IGF1R: variants seen among roughly 807,000 people sequenced by gnomAD.
IGF1R encodes insulin like growth factor 1 receptor, also known as insulin-like growth factor 1 receptor.
IGF1R carries 44 observed loss-of-function variants against 144.6 expected under a neutral mutation model. The observed-to-expected ratio is 0.30, with a 90% CI of 0.24 to 0.39. IGF1R has a LOEUF of 0.39. Among genes scored for constraint, IGF1R ranks in the 10% least tolerant of loss-of-function variants. IGF1R has a pLI of 1.00. For synonymous variants in IGF1R, 795 were observed against 722.8 expected (o/e 1.10, Z -1.60); for missense variants, 1,355 against 1,833.7 (o/e 0.74, Z 4.77).
intron 6 of IGF1R, 29 bp from the exon 7 acceptor site, chr15:98,911,286 G>A: frequency 6.2e-7 from 1 of 1,613,854 alleles, no homozygotes; most frequent in South Asian, 1.1e-5. Context: ...ATGAATCTCT[G>A]TCACTCACGG....
intron 2 of IGF1R, among the ~76,000 whole-genome samples, chr15:98,778,984 G>T (rs2055787827): frequency 6.6e-6 from 1 of 152,226 alleles, no homozygotes; most frequent in Non-Finnish European, 1.5e-5. Flanking sequence ...GTAGTTTCTT[G>T]TAAGTACTCT....
chr15:98,669,080 T>A (rs1183866607), intron 1 of IGF1R, among the ~76,000 whole-genome samples: 1 of 152,238 alleles, frequency 6.6e-6, no homozygotes, highest in African/African-American at 2.4e-5. Context: ...GATGAGTCAC[T>A]CCTATGACTG....
At chr15:98,852,025 ATTAATC>A (rs1385082742) in intron 2 of IGF1R, among the ~76,000 whole-genome samples, 1 of 152,260 alleles carries the variant, frequency 6.6e-6, no homozygotes, top group Non-Finnish European at 1.5e-5. Context: ...AGAACTAAAA[ATTAATC>A]TTAAAAGGTG....
chr15:98,873,325 C>T (rs555782252), intron 2 of IGF1R, among the ~76,000 whole-genome samples: 1 of 152,200 alleles, frequency 6.6e-6, no homozygotes, highest in African/African-American at 2.4e-5. Flanking sequence ...TTCAAGATTT[C>T]TCTTTAGGTA....
chr15:98,747,340 G>T (rs1267399457), intron 2 of IGF1R, among the ~76,000 whole-genome samples: 1 of 152,012 alleles, frequency 6.6e-6, no homozygotes, highest in Non-Finnish European at 1.5e-5. Flanking sequence ...GGAATTACAG[G>T]CACCCACCGC....
At chr15:98,684,093 A>G (rs993679724) in intron 1 of IGF1R, among the ~76,000 whole-genome samples, 13 of 152,176 alleles carry the variant, frequency 8.5e-5, no homozygotes, top group Non-Finnish European at 1.8e-4. Context: ...TGGACGTGTG[A>G]CAGCCTCAAC....
chr15:98,931,656 A>G (rs912749433), intron 15 of IGF1R, among the ~76,000 whole-genome samples: 5 of 151,614 alleles, frequency 3.3e-5, no homozygotes, highest in African/African-American at 1.2e-4. Context: ...TGCACACCAC[A>G]CTTACAAGAG....
chr15:98,687,780 A>G (rs1202852900), intron 1 of IGF1R, among the ~76,000 whole-genome samples: 2 of 152,198 alleles, frequency 1.3e-5, no homozygotes, highest in Non-Finnish European at 2.9e-5. Context: ...TTGGGGCAAG[A>G]AATAAAGCTC....
At chr15:98,699,230 C>G (rs1413973471) in intron 1 of IGF1R, among the ~76,000 whole-genome samples, 1 of 152,182 alleles carries the variant, frequency 6.6e-6, no homozygotes, top group Non-Finnish European at 1.5e-5. Flanking sequence ...GGTGCTGTCT[C>G]ATGCACAGTG....
At position 98,959,968 on chromosome 15, in the gene IGF1R, AGGGTGTGTGTGTGTGTATGTGTG is replaced by A. The variant is rs531170032; in HGVS notation, c.*2542_*2564del. Reference sequence around the variant, plus strand: ...CATTATGAATTTAAATTTCAAGGAAAGGGTGTGTGTGTGTGTATGTGTGGGGTGTGTGTGTGTGAGAGTGATGG... The same window carrying A: ...CATTATGAATTTAAATTTCAAGGAAAGGGTGTGTGTGTGTGAGAGTGATGG... On this transcript the variant is annotated 3_prime_UTR_variant, in exon 21 of 21. Transcript: ENST00000650285. 1.7e-3 allele frequency: 233 copies of A among 133,268 alleles called. 1 individual carries two copies. In the South Asian group the frequency reaches 0.044, roughly 25 times the overall value. The allele number at this position is 133,268 out of a possible 1,614,324, so 8.3% of individuals were successfully genotyped here. A position where few individuals can be genotyped will look rare whatever the true frequency, so the allele number is the denominator to read the frequency against.
At chr15:98,752,695 AAAAG>A (rs2055042757) in intron 2 of IGF1R, among the ~76,000 whole-genome samples, 2 of 151,570 alleles carry the variant, frequency 1.3e-5, no homozygotes, top group East Asian at 1.9e-4. Flanking sequence ...AAGAAAAAAA[AAAAG>A]AAAGTATGTG....
intron 2 of IGF1R, among the ~76,000 whole-genome samples, chr15:98,741,749 G>A (rs1254806952): frequency 1.3e-5 from 2 of 152,170 alleles, no homozygotes; most frequent in Non-Finnish European, 2.9e-5. Context: ...GCAAAGAATT[G>A]TCATGAAGAC....
intron 2 of IGF1R, among the ~76,000 whole-genome samples, chr15:98,883,540 C>T (rs774722077): frequency 1.3e-5 from 2 of 152,180 alleles, no homozygotes; most frequent in South Asian, 2.1e-4. Flanking sequence ...CTGTGCTCAC[C>T]GTCACTCTCT....
intron 2 of IGF1R, among the ~76,000 whole-genome samples, chr15:98,765,308 CTTTTTTTTT>C (rs139280569): frequency 1.5e-4 from 9 of 61,822 alleles, no homozygotes; most frequent in African/African-American, 5.3e-4. Context: ...ATGCCAACAC[CTTTTTTTTT>C]TTTTTTTTTT....
chr15:98,913,037 C>G lies in IGF1R; in HGVS notation c.1590-7C>G. The G allele has an allele frequency of 1.9e-6, 3 of 1,605,498 alleles. No homozygotes were observed. The highest frequency in any genetic ancestry group is 2.2e-5 in the South Asian group (2 of 90,860). The stretch of plus-strand genomic sequence containing the variant: ...CCGAACTTTCTCTGAACTTAATTGT[C>G]TTTCAGACCCTTTAAGAATGTCACA... On this transcript the variant is annotated splice_region_variant and splice_polypyrimidine_tract_variant and intron_variant, in intron 7 of 20. Transcript: ENST00000650285.
At chr15:98,934,714 G>C (rs2016077493) in intron 15 of IGF1R, 110 bp from the exon 16 acceptor site, 8 of 896,504 alleles carry the variant, frequency 8.9e-6, no homozygotes, top group Non-Finnish European at 1.3e-5. Flanking sequence ...GGTATTCTCT[G>C]TGGGTTTAAG....
Position 98,707,710 on chromosome 15 carries a change from T to C in IGF1R, c.243T>C (p.Ile81=), listed in dbSNP as rs2053899469. The C allele has an allele frequency of 6.2e-7, 1 of 1,614,074 alleles. No homozygotes were observed. Among genetic ancestry groups the C allele is most frequent in the Non-Finnish European group, 8.5e-7 (1 of 1,179,992 alleles). ...RSYRFPKLTV[I]TEYLLLFRVA... Reference sequence around the variant, plus strand: ...ACCGCTTCCCCAAGCTCACGGTCATTACCGAGTACTTGCTGCTGTTCCGAG... The same window carrying C: ...ACCGCTTCCCCAAGCTCACGGTCATCACCGAGTACTTGCTGCTGTTCCGAG... Residue 81 remains isoleucine (I), a synonymous_variant, in exon 2 of 21, where the codon ATT becomes ATC. Coordinates refer to ENST00000650285, the MANE Select transcript of IGF1R (RefSeq NM_000875.5). This position sits in a 1 kb window ranked among gnomAD's most constrained non-coding sequence, Gnocchi z 6.7.
chr15:98,650,406 C>T (rs977755925), intron 1 of IGF1R, among the ~76,000 whole-genome samples: 13 of 152,288 alleles, frequency 8.5e-5, no homozygotes, highest in South Asian at 4.1e-4. Context: ...CTGGGCAGCC[C>T]CCCGGGAAGT....
Position 98,913,123 on chromosome 15 carries a change from C to G in IGF1R, c.1669C>G (p.Pro557Ala), listed in dbSNP as rs532511373. Reference protein sequence around the residue: ...NSWNMVDVDLPPNKDVEPGIL... With the variant: ...NSWNMVDVDLAPNKDVEPGIL... The stretch of plus-strand genomic sequence containing the variant: ...CTGGAACATGGTGGACGTGGACCTC[C>G]CGCCCAACAAGGACGTGGAGCCCGG... Residue 557 changes from proline to alanine, a missense_variant, in exon 8 of 21, where the codon CCG becomes GCG. Coordinates refer to ENST00000650285, the MANE Select transcript of IGF1R (RefSeq NM_000875.5). 1 of 1,614,194 alleles carries G rather than the reference C, an allele frequency of 6.2e-7. No individual in the cohort carries two copies. The highest frequency in any genetic ancestry group is 1.3e-5 in the African/African-American group (1 of 75,064).
Sources: gnomAD v4.1 joint callset for allele counts (sites outside exome capture counted in the v4.1 genomes callset) on GRCh38, gnomAD v4.1.1 for gene constraint, Gnocchi (gnomAD v3.1) non-coding constraint, MANE v1.5 for transcripts, NCBI Gene and HGNC (gene_info 2026-07-23, HGNC 2026-07-21) for gene names.